The following TRIP10 variants were observed in gnomAD, a reference collection of about 807,000 sequenced individuals.
The protein encoded by TRIP10 is thyroid hormone receptor interactor 10.
Under a neutral mutation model 80.9 loss-of-function variants are expected in TRIP10, and 54 were observed. That is an observed-to-expected ratio of 0.67 (90% CI 0.54 to 0.84). The LOEUF (loss-of-function observed/expected upper bound fraction) is 0.84, where lower values mean the gene tolerates loss of function less well. Among genes scored for constraint, TRIP10 ranks in the 40% least tolerant of loss-of-function variants. The pLI is 0.00. For synonymous variants in TRIP10, 321 were observed against 307.2 expected (o/e 1.04, Z -0.47); for missense variants, 773 against 815.3 (o/e 0.95, Z 0.63).
At position 6,746,086 on chromosome 19, in the gene TRIP10, G is replaced by A. The variant is rs1282693397; in HGVS notation, c.1042G>A (p.Gly348Arg). ...CCCCGTACCCTCGGCATTGCCTAAC[G>A]GACCCCCGTCCCCCCGCTCCGGCCG... ...GGPVPSALPNGPPSPRSGRDP... is the reference protein window; with the variant it reads ...GGPVPSALPNRPPSPRSGRDP... Residue 348 changes from glycine to arginine, a missense_variant, in exon 10 of 15, where the codon GGA (glycine) becomes AGA (arginine). By Grantham distance (125) the Gly-to-Arg change is moderately radical. Transcript: ENST00000313244. This position sits in a 1 kb window ranked among gnomAD's most constrained non-coding sequence, Gnocchi z 6.2. The A allele has an allele frequency of 3.3e-5, 45 of 1,372,608 alleles. No individual in the cohort carries two copies. The highest frequency in any genetic ancestry group is 3.8e-4 in the Middle Eastern group (2 of 5,250). 85.0% of individuals were successfully genotyped at this position (1,372,608 alleles called of 1,614,324 possible). A position where few individuals can be genotyped will look rare whatever the true frequency, so the allele number is the denominator to read the frequency against.
Position 6,741,093 on chromosome 19 carries a change from C to G in TRIP10, c.108C>G (p.Thr36=), listed in dbSNP as rs1212843093. ...ATGTAAAGTTCGTGAAAGAACGCAC[C>G]GAAGTGGAACAGGCTTACGCCAAAC... ...DRYVKFVKER[T]EVEQAYAKQL... is the part of the protein sequence containing the mutation. Residue 36 remains threonine, a synonymous_variant, in exon 2 of 15, where the codon ACC becomes ACG. Transcript: ENST00000313244. 4.3e-6 allele frequency: 7 copies of G among 1,614,096 alleles called. No individual in the cohort carries two copies. Among genetic ancestry groups the G allele is most frequent in the Admixed American group, 3.3e-5 (2 of 60,006 alleles).
Position 6,745,735 on chromosome 19 carries a change from T to C in TRIP10, c.985-294T>C. ...CATAACATTCCAGAGACCTAGGAGA[T>C]ACCGGGGGAGTGAGAGTTCTGGCTT... On this transcript the variant is annotated intron_variant, in intron 9 of 14. Coordinates refer to ENST00000313244, the MANE Select transcript of TRIP10 (RefSeq NM_001288962.2). The surrounding 1 kb of genome is among the most constrained non-coding windows in gnomAD (Gnocchi z 7.2). 1 of 985,208 alleles carries C rather than the reference T, an allele frequency of 1.0e-6. No individual in the cohort carries two copies. The highest frequency in any genetic ancestry group is 1.7e-5 in the African/African-American group (1 of 57,264). The allele number at this position is 985,208 out of a possible 1,614,324, so 61.0% of individuals were successfully genotyped here. A position where few individuals can be genotyped will look rare whatever the true frequency, so the allele number is the denominator to read the frequency against.
At chr19:6,750,703 C>T (rs570205055) in intron 14 of TRIP10, 70 bp downstream of exon 14, 13 of 1,588,450 alleles carry the variant, frequency 8.2e-6, no homozygotes, top group East Asian at 2.2e-5. Context: ...AGTTTAAATT[C>T]GCCTAAAGCA....
In TRIP10 at chr19:6,745,231, C is replaced by T. The variant is rs924574639; in HGVS notation, c.984+237C>T. 1.8e-6 allele frequency: 1 copy of T among 564,884 alleles called. No individual in the cohort carries two copies. The allele number at this position is 564,884 out of a possible 1,614,324, so 35.0% of individuals were successfully genotyped here. ...GGTCCGTGGCGTTTGTCTGCTGCTTCTCGGGATGCTGGGAGAAAACCTGCT... is the reference window on the plus strand; with the variant it reads ...GGTCCGTGGCGTTTGTCTGCTGCTTTTCGGGATGCTGGGAGAAAACCTGCT... On this transcript the variant is annotated intron_variant, in intron 9 of 14. Coordinates refer to ENST00000313244, the MANE Select transcript of TRIP10 (RefSeq NM_001288962.2). This position sits in a 1 kb window ranked among gnomAD's most constrained non-coding sequence, Gnocchi z 7.2.
chr19:6,751,185 T>G lies in TRIP10; in HGVS notation c.1780T>G (p.Ser594Ala). The G allele has an allele frequency of 6.2e-7, 1 of 1,613,816 alleles. No individual in the cohort carries two copies. Among genetic ancestry groups the G allele is most frequent in the Non-Finnish European group, 8.5e-7 (1 of 1,179,940 alleles). Residue 594 changes from serine to alanine, a missense_variant, in exon 15 of 15, where the codon TCC becomes GCC. Coordinates refer to ENST00000313244, the MANE Select transcript of TRIP10 (RefSeq NM_001288962.2). The part of the protein sequence containing the change: ...KEGGEGYVPT[S>A]YLRVTLN ...GGGAGGCGAGGGCTACGTGCCCACC[T>G]CCTACCTCCGAGTCACGCTCAATTG... is the stretch of plus-strand genomic sequence containing the variant.
In TRIP10 at chr19:6,744,421, G is replaced by T. The variant is rs1599561390; in HGVS notation, c.643-133G>T. 1 of 1,335,308 alleles carries T rather than the reference G, an allele frequency of 7.5e-7. No individual in the cohort carries two copies. The highest frequency in any genetic ancestry group is 1.9e-5 in the Admixed American group (1 of 51,310). 82.7% of individuals were successfully genotyped at this position (1,335,308 alleles called of 1,614,324 possible). A position where few individuals can be genotyped will look rare whatever the true frequency, so the allele number is the denominator to read the frequency against. Reference sequence around the variant, plus strand: ...ACAGTGGGCTGGAGTCTCTCTTCCCGACTCTGTCTTCCCCTCCAGACTGGC... The same window carrying T: ...ACAGTGGGCTGGAGTCTCTCTTCCCTACTCTGTCTTCCCCTCCAGACTGGC... On this transcript the variant is annotated intron_variant, in intron 7 of 14. Transcript: ENST00000313244. The surrounding 1 kb of genome is among the most constrained non-coding windows in gnomAD (Gnocchi z 4.9).
At chr19:6,742,594 G>T (rs1451772816) in intron 3 of TRIP10, among the ~76,000 whole-genome samples, 15 of 151,880 alleles carry the variant, frequency 9.9e-5, no homozygotes, top group Admixed American at 9.8e-4. Context: ...GCGGAGTTCG[G>T]GGGGATTGGA....
At position 6,750,032 on chromosome 19, in the gene TRIP10, T is replaced by G; in HGVS notation, c.1361T>G (p.Ile454Ser). 1 of 1,613,412 alleles carries G rather than the reference T, an allele frequency of 6.2e-7. No individual in the cohort carries two copies. Among genetic ancestry groups the G allele is most frequent in the East Asian group, 2.2e-5 (1 of 44,820 alleles). ...EPQIAETLSN[I>S]ERLKLEVQKY... ...CAGATCGCTGAAACCCTGAGCAACA[T>G]TGAACGGCTGAAATTGGAAGTGCAG... Residue 454 changes from isoleucine to serine, a missense_variant, in exon 12 of 15, where the codon ATT becomes AGT. Physicochemically the swap from Ile to Ser is moderately radical, Grantham distance 142. Transcript: ENST00000313244.
At chr19:6,748,845 C>T (rs929028265) in intron 11 of TRIP10, 1 of 152,012 alleles carries the variant, frequency 6.6e-6, no homozygotes, top group African/African-American at 2.4e-5. Flanking sequence ...CTGGTCTTTT[C>T]CAAAGGTCCA....
chr19:6,740,853 G>A, intron 1 of TRIP10, 157 bp from the exon 2 acceptor site: 1 of 617,798 alleles, frequency 1.6e-6, no homozygotes, highest in Non-Finnish European at 2.8e-6. Context: ...CCAGTTTCCT[G>A]CCTCCCCCCG....
chr19:6,742,521 G>A (rs560463045), intron 3 of TRIP10, among the ~76,000 whole-genome samples: 2 of 151,810 alleles, frequency 1.3e-5, no homozygotes, highest in South Asian at 2.1e-4. Context: ...ATATACATTC[G>A]AGGTCCAGTG....
rs756729103 is a variant in TRIP10, at chr19:6,746,092, C to T, written c.1048C>T (p.Pro350Ser). ...PVPSALPNGP[P>S]SPRSGRDPLA... Reference sequence around the variant, plus strand: ...ACCCTCGGCATTGCCTAACGGACCCCCGTCCCCCCGCTCCGGCCGTGACCC... The same window carrying T: ...ACCCTCGGCATTGCCTAACGGACCCTCGTCCCCCCGCTCCGGCCGTGACCC... Residue 350 changes from proline to serine, a missense_variant, in exon 10 of 15, where the codon CCG becomes TCG. Pro to Ser is a moderately conservative substitution (Grantham distance 74). Transcript: ENST00000313244. This position sits in a 1 kb window ranked among gnomAD's most constrained non-coding sequence, Gnocchi z 6.2. The T allele has an allele frequency of 6.5e-7, 1 of 1,542,496 alleles. No homozygotes were observed. The highest frequency in any genetic ancestry group is 1.4e-5 in the African/African-American group (1 of 72,482).
rs1812397 is a variant in TRIP10, at chr19:6,745,127, G to A, written c.984+133G>A. 520,894 of 1,251,360 alleles carry A rather than the reference G, an allele frequency of 0.42. 111,503 individuals carry two copies. Among genetic ancestry groups the A allele is most frequent in the Non-Finnish European group, 0.43 (409,465 of 942,178 alleles). 77.5% of individuals were successfully genotyped at this position (1,251,360 alleles called of 1,614,324 possible). The stretch of plus-strand genomic sequence containing the variant: ...GAATTTTCCTCTTGGCTGCCAGCCC[G>A]GACTGGAGGGAAGGAAGGCGGCCGA... On this transcript the variant is annotated intron_variant, in intron 9 of 14. Transcript: ENST00000313244. The surrounding 1 kb of genome is among the most constrained non-coding windows in gnomAD (Gnocchi z 7.2).
In TRIP10 at chr19:6,749,976, T is replaced by C; in HGVS notation, c.1305T>C (p.Pro435=). The change falls in exon 12 of 15, where the codon CCT becomes CCC. Residue 435 remains proline, a synonymous_variant. Coordinates refer to ENST00000313244, the MANE Select transcript of TRIP10 (RefSeq NM_001288962.2). ...TGAAGGATGTCTATGAGAAGACACC[T>C]CAGATGGGGGACCCCGCCAGCTTGG... ...KKMKDVYEKT[P]QMGDPASLEP... 6.2e-7 allele frequency: 1 copy of C among 1,614,068 alleles called. No individual in the cohort carries two copies. The highest frequency in any genetic ancestry group is 8.5e-7 in the Non-Finnish European group (1 of 1,180,008).
At chr19:6,750,227 TG>T in intron 12 of TRIP10, 64 bp from the exon 13 acceptor site, 1 of 1,597,776 alleles carries the variant, frequency 6.3e-7, no homozygotes, top group Admixed American at 1.7e-5. Context: ...AGGGAACCTC[TG>T]GGTCCAAAGT....
intron 3 of TRIP10, among the ~76,000 whole-genome samples, chr19:6,742,187 C>G (rs906077634): frequency 8.6e-5 from 13 of 151,096 alleles, no homozygotes; most frequent in African/African-American, 2.2e-4. Flanking sequence ...GTCAGGAGTT[C>G]GAGAGCAGCC....
intron 1 of TRIP10, among the ~76,000 whole-genome samples, chr19:6,740,295 G>T (rs1260517019): frequency 6.6e-6 from 1 of 152,190 alleles, no homozygotes; most frequent in African/African-American, 2.4e-5. Flanking sequence ...AGCTCGGCCT[G>T]ATCCCCCTCC....
intron 14 of TRIP10, 138 bp from the exon 15 acceptor site, chr19:6,750,925 G>A: frequency 7.7e-7 from 1 of 1,303,694 alleles, no homozygotes; most frequent in Non-Finnish European, 1.0e-6. Context: ...GAACCTGGAG[G>A]CAGAGGTTGC....
chr19:6,749,009 G>C (rs1296958504), intron 11 of TRIP10: 2 of 152,218 alleles, frequency 1.3e-5, no homozygotes, highest in African/African-American at 4.8e-5. Context: ...GGTTTCCTGA[G>C]AGATTGTATG....
Sources: allele counts gnomAD v4.1 joint callset (sites outside exome capture counted in the v4.1 genomes callset), GRCh38; gene constraint gnomAD v4.1.1; non-coding constraint Gnocchi (gnomAD v3.1); transcripts MANE v1.5; gene names NCBI Gene and HGNC (gene_info 2026-07-23, HGNC 2026-07-21).